Variants in RALB observed in about 807,000 individuals in gnomAD.
The protein encoded by RALB is ras-related protein Ral-B.
In RALB, 16 loss-of-function variants were observed where a neutral mutation model predicts 21.3. The ratio of observed to expected loss-of-function variants is 0.75; its 90% CI spans 0.51 to 1.14. The LOEUF (loss-of-function observed/expected upper bound fraction) is 1.14. Ranked by LOEUF, RALB falls within the 50% of genes most tolerant of loss-of-function variation. The pLI is 0.00. For synonymous variants in RALB, 93 were observed against 96.1 expected (o/e 0.97, Z 0.19); for missense variants, 161 against 256.2 (o/e 0.63, Z 2.54).
upstream of RALB, among the ~76,000 whole-genome samples, chr2:120,249,043 T>C (rs1689013540): frequency 6.6e-6 from 1 of 151,508 alleles, no homozygotes; most frequent in African/African-American, 2.4e-5. Context: ...TCTTTTTTTT[T>C]TTTTTTTTTA....
At position 120,294,389 on chromosome 2, in the gene RALB, A is replaced by T; in HGVS notation, c.*1129A>T. On this transcript the variant is annotated 3_prime_UTR_variant, in exon 5 of 5. Coordinates refer to ENST00000272519, the MANE Select transcript of RALB (RefSeq NM_002881.3). ...AATATAATTATTTTCTAAGATAGCC[A>T]GATAGTTAGAAAAAGATTTTCATTG... is the stretch of plus-strand genomic sequence containing the variant. The T allele has an allele frequency of 5.0e-6, 2 of 398,230 alleles. No homozygotes were observed. Among genetic ancestry groups the T allele is most frequent in the Non-Finnish European group, 8.9e-6 (2 of 225,956 alleles). 24.7% of individuals were successfully genotyped at this position (398,230 alleles called of 1,614,324 possible).
chr2:120,268,346 A>G (rs931569708), intron 1 of RALB, among the ~76,000 whole-genome samples: 1 of 152,212 alleles, frequency 6.6e-6, no homozygotes, highest in African/African-American at 2.4e-5. Flanking sequence ...AGTCAGTGAC[A>G]TACATTAGTA....
At chr2:120,250,846 C>T (rs1317057080), upstream of RALB, among the ~76,000 whole-genome samples, 2 of 152,138 alleles carry the variant, frequency 1.3e-5, no homozygotes, top group Non-Finnish European at 2.9e-5. Flanking sequence ...GAGACAGCCC[C>T]GCCAAAAGGG....
intron 1 of RALB, among the ~76,000 whole-genome samples, chr2:120,261,174 C>G (rs1689357144): frequency 6.6e-6 from 1 of 152,160 alleles, no homozygotes; most frequent in Non-Finnish European, 1.5e-5. Flanking sequence ...CAAAGGCACA[C>G]ACGCATGTGT....
At position 120,286,111 on chromosome 2, in the gene RALB, C is replaced by G. The variant is rs150607448; in HGVS notation, c.323+29C>G. On this transcript the variant is annotated intron_variant, in intron 3 of 4. Transcript: ENST00000272519. ...TGTCTGAAATGAAATAGCAGAAGCCCCCAGGAAGCTTTTTGCCTTTTCTCA... is the reference window on the plus strand; with the variant it reads ...TGTCTGAAATGAAATAGCAGAAGCCGCCAGGAAGCTTTTTGCCTTTTCTCA... The G allele has an allele frequency of 1.1e-5, 18 of 1,604,864 alleles. No homozygotes were observed. In the East Asian group the frequency reaches 3.8e-4, roughly 34 times the overall value.
intron 1 of RALB, among the ~76,000 whole-genome samples, chr2:120,258,117 T>G (rs1485837119): frequency 6.6e-6 from 1 of 152,226 alleles, no homozygotes; most frequent in Non-Finnish European, 1.5e-5. Flanking sequence ...CTTTTCAACA[T>G]TCAAGCCTAA....
At chr2:120,268,885 C>T (rs1368992521) in intron 1 of RALB, among the ~76,000 whole-genome samples, 2 of 152,052 alleles carry the variant, frequency 1.3e-5, no homozygotes, top group Non-Finnish European at 2.9e-5. Context: ...TCATTGTTGC[C>T]AGTATTAACT....
At chr2:120,244,459 T>G (rs568039436) in intron 1 of RALB, among the ~76,000 whole-genome samples, 16 of 152,354 alleles carry the variant, frequency 1.1e-4, no homozygotes, top group African/African-American at 3.8e-4. Flanking sequence ...GCTGTGTGTC[T>G]CGCAGAGCCT....
chr2:120,242,378 C>T (rs1407432689), intron 1 of RALB, among the ~76,000 whole-genome samples: 2 of 152,192 alleles, frequency 1.3e-5, no homozygotes, highest in Non-Finnish European at 2.9e-5. Flanking sequence ...CACTTAACAG[C>T]TAAGATGGTG....
intron 1 of RALB, among the ~76,000 whole-genome samples, chr2:120,258,700 T>C (rs1024698247): frequency 6.6e-6 from 1 of 152,114 alleles, no homozygotes; most frequent in African/African-American, 2.4e-5. Flanking sequence ...TTGAAATGTA[T>C]GTTGGAGATG....
At chr2:120,279,441 GA>G (rs541264264) in intron 2 of RALB, among the ~76,000 whole-genome samples, 1 of 151,774 alleles carries the variant, frequency 6.6e-6, no homozygotes, top group East Asian at 1.9e-4. Flanking sequence ...AAATATTCGG[GA>G]AAAAAACCCA....
chr2:120,252,935 G>C lies in RALB; in HGVS notation c.-93G>C. 1 of 985,506 alleles carries C rather than the reference G, an allele frequency of 1.0e-6. No homozygotes were observed. Among genetic ancestry groups the C allele is most frequent in the Non-Finnish European group, 1.2e-6 (1 of 830,184 alleles). The allele number at this position is 985,506 out of a possible 1,614,324, so 61.0% of individuals were successfully genotyped here. A position where few individuals can be genotyped will look rare whatever the true frequency, so the allele number is the denominator to read the frequency against. On this transcript the variant is annotated 5_prime_UTR_variant, in exon 1 of 5. Coordinates refer to ENST00000272519, the MANE Select transcript of RALB (RefSeq NM_002881.3). ...GGGAGGGGGCGGGGCGCGTTTAAGA[G>C]CTGCGGGCCGGGTGCGGACGGCGGA...
chr2:120,291,264 C>T (rs373220527), intron 4 of RALB, among the ~76,000 whole-genome samples: 11 of 152,120 alleles, frequency 7.2e-5, no homozygotes, highest in African/African-American at 2.4e-4. Flanking sequence ...AACCTAAGTC[C>T]GTTTAGTTGT....
intron 1 of RALB, among the ~76,000 whole-genome samples, chr2:120,269,279 C>T (rs1028042684): frequency 6.6e-6 from 1 of 152,148 alleles, no homozygotes; most frequent in Non-Finnish European, 1.5e-5. Context: ...TCACTGACTT[C>T]AAGAATGAAG....
chr2:120,247,109 G>T (rs1258485237), intron 1 of RALB, among the ~76,000 whole-genome samples: 1 of 152,216 alleles, frequency 6.6e-6, no homozygotes, highest in South Asian at 2.1e-4. Flanking sequence ...TGCAGCTGTT[G>T]TTCCCGTGCA....
At chr2:120,288,330 A>C (rs1690217070) in intron 3 of RALB, among the ~76,000 whole-genome samples, 1 of 149,190 alleles carries the variant, frequency 6.7e-6, no homozygotes, top group Admixed American at 6.8e-5. Flanking sequence ...AATTGACTAC[A>C]TGAAAATTTT....
intron 3 of RALB, among the ~76,000 whole-genome samples, chr2:120,286,454 T>C (rs976417026): frequency 6.6e-6 from 1 of 152,186 alleles, no homozygotes; most frequent in Non-Finnish European, 1.5e-5. Context: ...CTAAAAAAAG[T>C]AGCAGGTTTA....
chr2:120,247,520 C>T (rs952058486), intron 1 of RALB, among the ~76,000 whole-genome samples: 1 of 152,080 alleles, frequency 6.6e-6, no homozygotes, highest in Non-Finnish European at 1.5e-5. Context: ...GAAAGAGAAG[C>T]CCTCAATACC....
intron 4 of RALB, among the ~76,000 whole-genome samples, chr2:120,292,372 T>C (rs1049854429): frequency 6.6e-5 from 10 of 152,144 alleles, no homozygotes; most frequent in African/African-American, 2.2e-4. Context: ...TCCTACTGCC[T>C]CCCCAGGGTG....
Sources: allele counts gnomAD v4.1 joint callset (sites outside exome capture counted in the v4.1 genomes callset), GRCh38; gene constraint gnomAD v4.1.1; transcripts MANE v1.5; gene names NCBI Gene and HGNC (gene_info 2026-07-23, HGNC 2026-07-21).